Variants in MAML3 observed in about 807,000 individuals in gnomAD.
The protein encoded by MAML3 is mastermind-like protein 3.
A neutral mutation model predicts 101.9 loss-of-function variants in MAML3; 27 were observed. The ratio of observed to expected loss-of-function variants is 0.27; its 90% confidence interval spans 0.20 to 0.37. The LOEUF is 0.37. MAML3 is among the 10% of genes least tolerant of loss of function. The pLI is 1.00. For missense variants in MAML3, 1,316 were observed against 1,444.9 expected (o/e 0.91, Z 1.45); for synonymous variants, 501 against 555.9 (o/e 0.90, Z 1.39).
At chr4:140,140,061 C>A (rs1281938627) in intron 1 of MAML3, among the ~76,000 whole-genome samples, 1 of 152,154 alleles carries the variant, frequency 6.6e-6, no homozygotes, top group African/African-American at 2.4e-5. Flanking sequence ...CGGTGGCTCA[C>A]GCCTATAATC....
chr4:139,890,953 C>T lies in MAML3; in HGVS notation c.483G>A (p.Val161=). Residue 161 remains valine, a synonymous_variant, in exon 2 of 5, where the codon GTG becomes GTA. Coordinates refer to ENST00000509479, the MANE Select transcript of MAML3 (RefSeq NM_018717.5). This position sits in a 1 kb window ranked among gnomAD's most constrained non-coding sequence, Gnocchi z 4.1. ...NHTLIMLQET[V]KRKLEGARSP... is the part of the protein sequence containing the mutation. Reference sequence around the variant, plus strand: ...ATCGAGCTCCTTCCAACTTCCTTTTCACAGTCTCTTGTAGCTGGAAAAGAA... The same window carrying T: ...ATCGAGCTCCTTCCAACTTCCTTTTTACAGTCTCTTGTAGCTGGAAAAGAA... 6.2e-7 allele frequency: 1 copy of T among 1,612,186 alleles called. No individual in the cohort carries two copies. The highest frequency in any genetic ancestry group is 1.1e-5 in the South Asian group (1 of 90,870).
intron 1 of MAML3, among the ~76,000 whole-genome samples, chr4:140,108,707 T>G (rs1040857981): frequency 5.9e-5 from 9 of 151,764 alleles, no homozygotes; most frequent in African/African-American, 2.2e-4. Flanking sequence ...TCTCTCATAC[T>G]CTGATCAGTT....
At chr4:139,836,482 A>G (rs529370090) in intron 2 of MAML3, among the ~76,000 whole-genome samples, 2 of 152,164 alleles carry the variant, frequency 1.3e-5, no homozygotes, top group Non-Finnish European at 2.9e-5. Flanking sequence ...TTTCCAATTC[A>G]AAACAACAAT....
At chr4:140,108,493 T>C (rs1036385139) in intron 1 of MAML3, among the ~76,000 whole-genome samples, 2 of 151,566 alleles carry the variant, frequency 1.3e-5, no homozygotes, top group Admixed American at 6.6e-5. Flanking sequence ...CATTTGAATC[T>C]TGGTTTTGTC....
At chr4:139,933,356 G>A (rs1578604873) in intron 1 of MAML3, among the ~76,000 whole-genome samples, 1 of 152,078 alleles carries the variant, frequency 6.6e-6, no homozygotes, top group Admixed American at 6.5e-5. Flanking sequence ...GGTAAACTGG[G>A]GCGCTGTTGT....
chr4:139,929,573 G>A (rs1180296265), intron 1 of MAML3, among the ~76,000 whole-genome samples: 3 of 152,188 alleles, frequency 2.0e-5, no homozygotes, highest in Non-Finnish European at 4.4e-5. Context: ...GCAGGGAACA[G>A]CTTAAACTCA....
chr4:139,735,475 G>C lies in MAML3; in HGVS notation c.2080-4808C>G, dbSNP rs551253910. 2.6e-3 allele frequency among the ~76,000 whole-genome samples: 400 copies of C among 151,882 alleles called. 5 individuals carry two copies. The highest frequency in any genetic ancestry group is 9.2e-3 in the African/African-American group (381 of 41,440). ...GGGGGGCAGTGGCGACCTCCGGGGGGGGAGGGTGGCGGACACCAGACCCCA... is the reference window on the plus strand; with the variant it reads ...GGGGGGCAGTGGCGACCTCCGGGGGCGGAGGGTGGCGGACACCAGACCCCA... On this transcript the variant is annotated intron_variant, in intron 2 of 4. Transcript: ENST00000509479. This position sits in a 1 kb window ranked among gnomAD's most constrained non-coding sequence, Gnocchi z 5.8.
At chr4:139,726,813 A>C (rs554413159) in intron 3 of MAML3, among the ~76,000 whole-genome samples, 1 of 152,322 alleles carries the variant, frequency 6.6e-6, no homozygotes, top group South Asian at 2.1e-4. Context: ...TGTTGCTACC[A>C]ATATGCTGGG....
At chr4:139,875,895 G>T in intron 2 of MAML3, among the ~76,000 whole-genome samples, 1 of 104,070 alleles carries the variant, frequency 9.6e-6, no homozygotes, top group African/African-American at 3.7e-5. Flanking sequence ...GCAATGTAAA[G>T]AGTAAGAGAC....
chr4:139,725,839 G>A lies in MAML3; in HGVS notation c.2332-4C>T. ...GTAGATGTGATTGCTGCAACTGCTA[G>A]AACAACAGAACACAAGAGGGGTGGA... On this transcript the variant is annotated splice_region_variant and splice_polypyrimidine_tract_variant and intron_variant, in intron 3 of 4. Transcript: ENST00000509479. 1 of 1,613,272 alleles carries A rather than the reference G, an allele frequency of 6.2e-7. No homozygotes were observed. The highest frequency in any genetic ancestry group is 8.5e-7 in the Non-Finnish European group (1 of 1,179,336).
chr4:140,097,468 A>G (rs1217738454), intron 1 of MAML3, among the ~76,000 whole-genome samples: 1 of 152,170 alleles, frequency 6.6e-6, no homozygotes, highest in Non-Finnish European at 1.5e-5. Flanking sequence ...CAACCAAAGT[A>G]AATCCAAAGA....
chr4:139,722,770 C>G (rs1426875101), intron 4 of MAML3, among the ~76,000 whole-genome samples: 1 of 152,184 alleles, frequency 6.6e-6, no homozygotes, highest in Non-Finnish European at 1.5e-5. Flanking sequence ...GGTTCTCATG[C>G]AAGTTATACC....
At chr4:139,885,087 C>T (rs375249909) in intron 2 of MAML3, among the ~76,000 whole-genome samples, 2 of 152,130 alleles carry the variant, frequency 1.3e-5, no homozygotes, top group Non-Finnish European at 2.9e-5. Context: ...GGACTTGAAA[C>T]GTTCCCATCA....
chr4:139,943,129 A>T (rs1466204460), intron 1 of MAML3, among the ~76,000 whole-genome samples: 1 of 152,216 alleles, frequency 6.6e-6, no homozygotes, highest in Non-Finnish European at 1.5e-5. Flanking sequence ...CCTCCAAAAT[A>T]AAAAACTTAA....
Position 139,730,671 on chromosome 4 carries a change from G to T in MAML3, c.2080-4C>A, listed in dbSNP as rs1383912744. On this transcript the variant is annotated splice_polypyrimidine_tract_variant and splice_region_variant and intron_variant, in intron 2 of 4. Transcript: ENST00000509479. ...GAAGTCCAACTGGATGCTGCTCCTG[G>T]GAAGACAAGAGAGAGGGAGATGCAG... 1.1e-5 allele frequency: 18 copies of T among 1,610,242 alleles called. No homozygotes were observed. Among genetic ancestry groups the T allele is most frequent in the Non-Finnish European group, 1.5e-5 (18 of 1,177,704 alleles).
At chr4:140,142,540 C>A (rs900758522) in intron 1 of MAML3, among the ~76,000 whole-genome samples, 1 of 152,178 alleles carries the variant, frequency 6.6e-6, no homozygotes, top group African/African-American at 2.4e-5. Context: ...CAGCCTATTT[C>A]ATCTTTGAAC....
At chr4:139,884,280 G>T (rs1732281211) in intron 2 of MAML3, among the ~76,000 whole-genome samples, 1 of 152,124 alleles carries the variant, frequency 6.6e-6, no homozygotes, top group African/African-American at 2.4e-5. Context: ...TGACTAAAAA[G>T]CTTATAATAA....
At chr4:139,756,795 A>G (rs770188234) in intron 2 of MAML3, among the ~76,000 whole-genome samples, 1 of 152,152 alleles carries the variant, frequency 6.6e-6, no homozygotes, top group African/African-American at 2.4e-5. Flanking sequence ...TTCGAGAACT[A>G]AAGTAAGAAT....
intron 1 of MAML3, among the ~76,000 whole-genome samples, chr4:140,150,012 C>T (rs1222792933): frequency 1.4e-5 from 2 of 138,376 alleles, no homozygotes; most frequent in East Asian, 2.3e-4. Flanking sequence ...ACATTACATT[C>T]ATCACACTCA....
Sources: allele counts gnomAD v4.1 joint callset (sites outside exome capture counted in the v4.1 genomes callset), GRCh38; gene constraint gnomAD v4.1.1; non-coding constraint Gnocchi (gnomAD v3.1); transcripts MANE v1.5; gene names NCBI Gene and HGNC (gene_info 2026-07-23, HGNC 2026-07-21).